The following SLC26A7 variants were observed in gnomAD, a reference collection of about 807,000 sequenced individuals.
The protein encoded by SLC26A7 is solute carrier family 26 member 7, also known as anion exchange transporter.
In SLC26A7, 59 loss-of-function variants were observed where a neutral mutation model predicts 82.5. The ratio of observed to expected loss-of-function variants is 0.72; its 90% CI spans 0.58 to 0.89. The LOEUF (loss-of-function observed/expected upper bound fraction) is 0.89, where lower values mean the gene tolerates loss of function less well. Among genes scored for constraint, SLC26A7 ranks in the 40% least tolerant of loss-of-function variants. SLC26A7 has a pLI of 0.00. For missense variants in SLC26A7, 820 were observed against 793.0 expected, an observed-to-expected ratio of 1.03 and a Z score of -0.41; for synonymous variants, 271 against 274.3, an observed-to-expected ratio of 0.99 and a Z score of 0.12.
chr8:91,239,954 T>C (rs1810452096), intron 2 of SLC26A7, among the ~76,000 whole-genome samples: 1 of 152,224 alleles, frequency 6.6e-6, no homozygotes, highest in Admixed American at 6.5e-5. Flanking sequence ...ACTGAAAGAC[T>C]TAAACATTAT....
At position 91,334,275 on chromosome 8, in the gene SLC26A7, A is replaced by T; in HGVS notation, c.643-20A>T. ...ATAGGTGACCCTGAATTTTGTTTGTATTTTTTCTCATTACTGTAGATTTAT... is the reference window on the plus strand; with the variant it reads ...ATAGGTGACCCTGAATTTTGTTTGTTTTTTTTCTCATTACTGTAGATTTAT... On this transcript the variant is annotated intron_variant, in intron 5 of 18. Coordinates refer to ENST00000276609, the MANE Select transcript of SLC26A7 (RefSeq NM_052832.4). The T allele has an allele frequency of 6.3e-7, 1 of 1,594,450 alleles. No homozygotes were observed.
At chr8:91,360,892 T>C (rs1300747405) in intron 11 of SLC26A7, among the ~76,000 whole-genome samples, 1 of 152,086 alleles carries the variant, frequency 6.6e-6, no homozygotes, top group Non-Finnish European at 1.5e-5. Flanking sequence ...CCTTGTTTTG[T>C]ATATGATTAA....
chr8:91,324,351 C>T (rs1368264252), intron 5 of SLC26A7, among the ~76,000 whole-genome samples: 1 of 152,174 alleles, frequency 6.6e-6, no homozygotes, highest in African/African-American at 2.4e-5. Flanking sequence ...GAATTTAGAT[C>T]TGCTTGGAGG....
chr8:91,224,592 C>T (rs1321188702), intron 2 of SLC26A7, among the ~76,000 whole-genome samples: 1 of 152,168 alleles, frequency 6.6e-6, no homozygotes, highest in Non-Finnish European at 1.5e-5. Context: ...TTGAGAGGCC[C>T]CAACCCCTGA....
At chr8:91,236,077 CA>C (rs1380484621) in intron 2 of SLC26A7, among the ~76,000 whole-genome samples, 2 of 152,222 alleles carry the variant, frequency 1.3e-5, no homozygotes, top group Admixed American at 1.3e-4. Flanking sequence ...GTATCTGGAA[CA>C]GACACTGGTC....
intron 11 of SLC26A7, among the ~76,000 whole-genome samples, chr8:91,359,586 G>A (rs1391953420): frequency 2.0e-5 from 3 of 152,154 alleles, no homozygotes; most frequent in Non-Finnish European, 4.4e-5. Flanking sequence ...GATATAGCAG[G>A]CGCATGATGA....
At chr8:91,335,150 A>G (rs757319741) in intron 6 of SLC26A7, among the ~76,000 whole-genome samples, 4 of 152,172 alleles carry the variant, frequency 2.6e-5, no homozygotes, top group Non-Finnish European at 2.9e-5. Flanking sequence ...TAGTCTTTCA[A>G]TGATCTTTGA....
At chr8:91,267,296 C>G (rs1435755741) in intron 2 of SLC26A7, among the ~76,000 whole-genome samples, 1 of 151,884 alleles carries the variant, frequency 6.6e-6, no homozygotes, top group African/African-American at 2.4e-5. Context: ...AGTATTCTCT[C>G]CTCTTCAACT....
At chr8:91,304,085 A>G (rs1812238562) in intron 4 of SLC26A7, among the ~76,000 whole-genome samples, 1 of 152,234 alleles carries the variant, frequency 6.6e-6, no homozygotes, top group Non-Finnish European at 1.5e-5. Context: ...TTATTAGCCT[A>G]GTATTTGACA....
At chr8:91,280,709 A>G (rs1391224427) in intron 2 of SLC26A7, among the ~76,000 whole-genome samples, 4 of 151,482 alleles carry the variant, frequency 2.6e-5, no homozygotes, top group Non-Finnish European at 5.9e-5. Flanking sequence ...GGCAATTCCT[A>G]TTGGTTTATT....
intron 2 of SLC26A7, among the ~76,000 whole-genome samples, chr8:91,239,615 C>T (rs1444282039): frequency 6.6e-6 from 1 of 151,800 alleles, no homozygotes; most frequent in East Asian, 1.9e-4. Context: ...TTGTTACATC[C>T]CCTAATGCCT....
At chr8:91,212,318 T>C (rs1809943738) in intron 1 of SLC26A7, among the ~76,000 whole-genome samples, 1 of 151,864 alleles carries the variant, frequency 6.6e-6, no homozygotes, top group Non-Finnish European at 1.5e-5. Flanking sequence ...TCATTTCTTA[T>C]AGTTTCGTTA....
chr8:91,229,114 TCC>T (rs2130671999), intron 2 of SLC26A7, among the ~76,000 whole-genome samples: 1 of 152,294 alleles, frequency 6.6e-6, no homozygotes, highest in South Asian at 2.1e-4. Flanking sequence ...CCTGCTCGAA[TCC>T]TGCCAGTCTC....
intron 5 of SLC26A7, 88 bp downstream of exon 5, chr8:91,318,468 T>C (rs1040796295): frequency 7.9e-6 from 10 of 1,264,418 alleles, no homozygotes; most frequent in Non-Finnish European, 4.3e-6. Context: ...CTGAGATTTT[T>C]CTGTATTAAA....
chr8:91,375,739 A>C (rs1814496821), intron 15 of SLC26A7, among the ~76,000 whole-genome samples: 1 of 149,834 alleles, frequency 6.7e-6, no homozygotes, highest in Admixed American at 6.7e-5. Context: ...ACAGTATCTC[A>C]CATGTGTTTT....
chr8:91,348,122 A>T (rs1392925846), intron 9 of SLC26A7, among the ~76,000 whole-genome samples: 1 of 152,202 alleles, frequency 6.6e-6, no homozygotes, highest in African/African-American at 2.4e-5. Flanking sequence ...CAACACTGAG[A>T]TTGTCTCCGC....
At chr8:91,351,990 A>G (rs1330111839) in intron 10 of SLC26A7, 103 bp downstream of exon 10, 2 of 911,128 alleles carry the variant, frequency 2.2e-6, no homozygotes, top group South Asian at 1.5e-5. Context: ...TCCTAAATGT[A>G]GAAACCATGT....
chr8:91,355,998 G>A (rs944847337), intron 11 of SLC26A7, among the ~76,000 whole-genome samples: 21 of 151,970 alleles, frequency 1.4e-4, no homozygotes, highest in Non-Finnish European at 2.4e-4. Flanking sequence ...TTGTCCTTGC[G>A]ATAGTTTGCT....
intron 1 of SLC26A7, among the ~76,000 whole-genome samples, chr8:91,214,743 A>G (rs1810007385): frequency 6.6e-6 from 1 of 152,162 alleles, no homozygotes; most frequent in African/African-American, 2.4e-5. Flanking sequence ...GGAACATGAT[A>G]ACAGTATTAG....
Sources: allele counts gnomAD v4.1 joint callset (sites outside exome capture counted in the v4.1 genomes callset), GRCh38; gene constraint gnomAD v4.1.1; transcripts MANE v1.5; gene names NCBI Gene and HGNC (gene_info 2026-07-23, HGNC 2026-07-21).